RABGAP1L: variants seen among roughly 807,000 people sequenced by gnomAD.
The protein encoded by RABGAP1L is rab GTPase-activating protein 1-like.
RABGAP1L carries 63 observed loss-of-function variants against 137.7 expected under a neutral mutation model. That is an observed-to-expected ratio of 0.46 (90% CI 0.37 to 0.56). The LOEUF (loss-of-function observed/expected upper bound fraction) is 0.56. Ranked by LOEUF, RABGAP1L falls within the 20% of genes least tolerant of loss-of-function variation. The probability of loss-of-function intolerance (pLI) is 0.00; values close to 1 mark genes in which losing one functional copy is unlikely to be tolerated. For synonymous variants in RABGAP1L, 431 were observed against 433.7 expected (o/e 0.99, Z 0.08); for missense variants, 1,095 against 1,244.0 (o/e 0.88, Z 1.80).
intron 6 of RABGAP1L, 148 bp downstream of exon 6, chr1:174,250,780 C>A: frequency 5.5e-6 from 4 of 727,870 alleles, no homozygotes; most frequent in Admixed American, 6.2e-5. Flanking sequence ...TATTCTTGTG[C>A]TTGTCAGATA....
intron 1 of RABGAP1L, among the ~76,000 whole-genome samples, chr1:174,181,630 C>T (rs538373223): frequency 6.6e-6 from 1 of 152,304 alleles, no homozygotes; most frequent in Admixed American, 6.5e-5. Context: ...AGCCACCATG[C>T]CCAGCCTGTA....
At position 174,447,911 on chromosome 1, in the gene RABGAP1L, C is replaced by T. The variant is rs535661316; in HGVS notation, c.1710+53766C>T. ...TACCGCCCCCCCCCCACCCCCCCGC[C>T]CGAAAGCTGAGGTGTGTCACTGCTG... On this transcript the variant is annotated intron_variant, in intron 13 of 25. Coordinates refer to ENST00000681986, the MANE Select transcript of RABGAP1L (RefSeq NM_001366446.1). 1.3e-3 allele frequency among the ~76,000 whole-genome samples: 178 copies of T among 137,110 alleles called. 5 individuals carry two copies. The highest frequency in any genetic ancestry group is 9.9e-3 in the Admixed American group (136 of 13,752). 89.9% of individuals were successfully genotyped at this position (137,110 alleles called of 152,430 possible).
chr1:174,271,318 C>T (rs1309779143), intron 7 of RABGAP1L, among the ~76,000 whole-genome samples: 5 of 152,036 alleles, frequency 3.3e-5, no homozygotes, highest in Non-Finnish European at 5.9e-5. Context: ...TGATCTTGCT[C>T]ATGTCAGCAT....
In RABGAP1L at chr1:174,833,449, G is replaced by GATATATATATATATATATATATAT. The variant is rs760181639; in HGVS notation, c.2340+21508_2340+21509insTATATATATATATATATATATATA. Among the ~76,000 whole-genome samples the GATATATATATATATATATATATAT allele has an allele frequency of 3.6e-3, 99 of 27,794 alleles. 8 individuals carry two copies. The highest frequency in any genetic ancestry group is 0.01 in the East Asian group (3 of 298). The allele number at this position is 27,794 out of a possible 152,430, so 18.2% of individuals were successfully genotyped here. A position where few individuals can be genotyped will look rare whatever the true frequency, so the allele number is the denominator to read the frequency against. ...ATATATATATGTGTGTGTGTGTAGA[G>GATATATATATATATATATATATAT]ATATATATATATATATATAGTAGAG... On this transcript the variant is annotated intron_variant, in intron 19 of 25. Coordinates refer to ENST00000681986, the MANE Select transcript of RABGAP1L (RefSeq NM_001366446.1).
chr1:174,943,309 C>T (rs1367153678), intron 19 of RABGAP1L, among the ~76,000 whole-genome samples: 3 of 152,114 alleles, frequency 2.0e-5, no homozygotes, highest in Admixed American at 6.5e-5. Flanking sequence ...ATTATGTAGC[C>T]GGTCTTGCTC....
At chr1:174,774,686 C>A (rs530213066) in intron 18 of RABGAP1L, among the ~76,000 whole-genome samples, 1 of 151,924 alleles carries the variant, frequency 6.6e-6, no homozygotes, top group African/African-American at 2.4e-5. Context: ...TTGAGAGAAG[C>A]CTGGGCAACA....
intron 13 of RABGAP1L, among the ~76,000 whole-genome samples, chr1:174,590,343 T>A (rs1357481958): frequency 2.1e-4 from 29 of 135,458 alleles, no homozygotes; most frequent in Admixed American, 2.0e-3. Flanking sequence ...TTTCTTTTTT[T>A]TTTTATTTAT....
chr1:174,180,640 A>AT (rs989800031), intron 1 of RABGAP1L, among the ~76,000 whole-genome samples: 1 of 151,650 alleles, frequency 6.6e-6, no homozygotes, highest in African/African-American at 2.4e-5. Context: ...AATTTTTTAT[A>AT]TTTTTTTGTA....
chr1:174,511,811 G>A (rs1420997156), intron 13 of RABGAP1L, among the ~76,000 whole-genome samples: 1 of 151,858 alleles, frequency 6.6e-6, no homozygotes, highest in East Asian at 1.9e-4. Flanking sequence ...TAGTAGAGAC[G>A]GGGTTTCTCC....
intron 19 of RABGAP1L, among the ~76,000 whole-genome samples, chr1:174,859,305 C>T (rs1005402927): frequency 2.0e-5 from 3 of 151,850 alleles, no homozygotes; most frequent in Admixed American, 6.6e-5. Context: ...CATGGTGAAA[C>T]GCCATCTCTA....
At chr1:174,389,706 C>G (rs899585298) in intron 12 of RABGAP1L, among the ~76,000 whole-genome samples, 1 of 152,078 alleles carries the variant, frequency 6.6e-6, no homozygotes, top group Non-Finnish European at 1.5e-5. Context: ...TATTCATTCA[C>G]TTACCAAAAA....
intron 19 of RABGAP1L, among the ~76,000 whole-genome samples, chr1:174,917,592 T>C (rs1399595159): frequency 3.9e-5 from 6 of 152,190 alleles, no homozygotes; most frequent in Non-Finnish European, 7.4e-5. Flanking sequence ...GCTGCACTAT[T>C]TACAGTTTTT....
At chr1:174,818,028 G>T (rs1690615824) in intron 19 of RABGAP1L, among the ~76,000 whole-genome samples, 1 of 152,200 alleles carries the variant, frequency 6.6e-6, no homozygotes, top group African/African-American at 2.4e-5. Flanking sequence ...TGAATATGTT[G>T]TTCGTGGTAC....
At chr1:174,839,027 A>ATG (rs1693085684) in intron 19 of RABGAP1L, among the ~76,000 whole-genome samples, 1 of 35,388 alleles carries the variant, frequency 2.8e-5, no homozygotes, top group African/African-American at 7.4e-5. Flanking sequence ...GAACTTTTTT[A>ATG]CGTGTGTGTG....
At chr1:174,368,977 T>C (rs1003818534) in intron 11 of RABGAP1L, among the ~76,000 whole-genome samples, 7 of 152,186 alleles carry the variant, frequency 4.6e-5, no homozygotes, top group Non-Finnish European at 1.0e-4. Flanking sequence ...TAGATTTTGG[T>C]CTCTAATTTG....
chr1:174,367,858 C>T (rs757345867), intron 11 of RABGAP1L: 1 of 159,360 alleles, frequency 6.3e-6, no homozygotes, highest in Non-Finnish European at 1.4e-5. Context: ...GTATTCTCAT[C>T]CTAAATTGCT....
At chr1:174,972,754 T>C (rs1313172215) in intron 21 of RABGAP1L, among the ~76,000 whole-genome samples, 1 of 145,292 alleles carries the variant, frequency 6.9e-6, no homozygotes, top group Non-Finnish European at 1.5e-5. Context: ...CTAGGGAGGC[T>C]GAGACAGGAG....
Position 174,501,681 on chromosome 1 carries a change from A to G in RABGAP1L, c.1710+107536A>G, listed in dbSNP as rs542038269. 6.6e-5 allele frequency among the ~76,000 whole-genome samples: 10 copies of G among 152,332 alleles called. No homozygotes were observed. In the South Asian group the frequency reaches 1.9e-3, roughly 28 times the overall value. On this transcript the variant is annotated intron_variant, in intron 13 of 25. Transcript: ENST00000681986. ...CTGCCATGTACTAACAGTCCATTGC[A>G]TAACACTTTACTTTTTGTTTTTTTA...
intron 21 of RABGAP1L, 21 bp from the exon 22 acceptor site, chr1:174,976,057 G>A (rs2149377504): frequency 2.9e-6 from 4 of 1,392,960 alleles, no homozygotes; most frequent in Middle Eastern, 1.8e-4. Flanking sequence ...ATGTATGACT[G>A]TGATGCACCA....
Sources: gnomAD v4.1 joint callset for allele counts (sites outside exome capture counted in the v4.1 genomes callset) on GRCh38, gnomAD v4.1.1 for gene constraint, MANE v1.5 for transcripts, NCBI Gene and HGNC (gene_info 2026-07-23, HGNC 2026-07-21) for gene names.